Variants in HPGDS observed in about 807,000 individuals in gnomAD.
The protein encoded by HPGDS is GST class-sigma.
In HPGDS, 26 loss-of-function variants were observed where a neutral mutation model predicts 23.1. The observed-to-expected ratio is 1.13, with a 90% CI of 0.83 to 1.56. HPGDS has a LOEUF of 1.56. Ranked by LOEUF, HPGDS falls within the 40% of genes most tolerant of loss-of-function variation. The probability of loss-of-function intolerance (pLI) is 0.00; values close to 1 mark genes in which losing one functional copy is unlikely to be tolerated. For missense variants in HPGDS, 268 were observed against 236.4 expected (o/e 1.13, Z -0.88); for synonymous variants, 95 against 77.9 (o/e 1.22, Z -1.16).
At chr4:94,299,752 T>C in intron 5 of HPGDS, 108 bp from the exon 6 acceptor site, 2 of 1,036,156 alleles carry the variant, frequency 1.9e-6, no homozygotes, top group Non-Finnish European at 2.8e-6. Flanking sequence ...AACAATCTTG[T>C]TATTACAAAA....
intron 2 of HPGDS, among the ~76,000 whole-genome samples, chr4:94,325,062 C>T (rs1319841591): frequency 6.6e-6 from 1 of 152,216 alleles, no homozygotes; most frequent in African/African-American, 2.4e-5. Flanking sequence ...CCACTCCAGA[C>T]CCTGTTTGCC....
At chr4:94,340,296 T>C in intron 1 of HPGDS, among the ~76,000 whole-genome samples, 1 of 68,134 alleles carries the variant, frequency 1.5e-5, no homozygotes, top group Non-Finnish European at 3.1e-5. Context: ...TTTCTTTCTT[T>C]CTTTCTTTCT....
chr4:94,302,748 G>T (rs963508614), intron 4 of HPGDS, among the ~76,000 whole-genome samples: 2 of 151,924 alleles, frequency 1.3e-5, no homozygotes, highest in Non-Finnish European at 2.9e-5. Flanking sequence ...TTTCTCATTG[G>T]ACTACCATTG....
At chr4:94,334,138 A>G (rs984434116) in intron 2 of HPGDS, 2 of 164,502 alleles carry the variant, frequency 1.2e-5, no homozygotes, top group Non-Finnish European at 2.6e-5. Context: ...TTTGAAACTC[A>G]GTTCTACTTG....
intron 2 of HPGDS, among the ~76,000 whole-genome samples, chr4:94,326,653 T>C (rs1246402110): frequency 6.6e-6 from 1 of 152,196 alleles, no homozygotes; most frequent in African/African-American, 2.4e-5. Flanking sequence ...TGTATCTCAC[T>C]GAGTTTCTTT....
intron 2 of HPGDS, among the ~76,000 whole-genome samples, chr4:94,323,878 T>C (rs1756572517): frequency 6.6e-6 from 1 of 152,234 alleles, no homozygotes; most frequent in Admixed American, 6.5e-5. Flanking sequence ...CAATTTGGCA[T>C]GTTTTTGCAG....
Position 94,302,219 on chromosome 4 carries a change from G to T in HPGDS, c.362C>A (p.Thr121Lys), listed in dbSNP as rs150435932. The stretch of plus-strand genomic sequence containing the variant: ...TTGCATAAGATGAGGCGCATTATAC[G>T]TGAGCAGCTCATTGAACATCTGCTC... ...VKEQMFNELL[T>K]YNAPHLMQDL... Residue 121 changes from threonine (T) to lysine (K), a missense_variant, in exon 5 of 6, where the codon ACG becomes AAG. Coordinates refer to ENST00000295256, the MANE Select transcript of HPGDS (RefSeq NM_014485.3). The T allele has an allele frequency of 3.5e-5, 56 of 1,611,752 alleles. No homozygotes were observed. Among genetic ancestry groups the T allele is most frequent in the Non-Finnish European group, 4.2e-5 (50 of 1,178,536 alleles).
rs1444033537 is a variant in HPGDS, at chr4:94,333,840, C to T, written c.133+657G>A. On this transcript the variant is annotated intron_variant, in intron 2 of 5. Transcript: ENST00000295256. ...AATTAGTGGATAAAAGTAATGTTCA[C>T]CTATTATATATTCACTGTCTTAAAA... 2.6e-5 allele frequency among the ~76,000 whole-genome samples: 4 copies of T among 152,166 alleles called. No individual in the cohort carries two copies. In the East Asian group the frequency reaches 7.7e-4, roughly 29 times the overall value.
rs181421567 is a variant in HPGDS at position 94,341,258 on chromosome 4, A to G, written c.-10+1537T>C. ...ATTCAATCCCAGAGGCAATTTTAAC[A>G]TAATCATTGAAAAAATTACAAACTT... On this transcript the variant is annotated intron_variant, in intron 1 of 5. Coordinates refer to ENST00000295256, the MANE Select transcript of HPGDS (RefSeq NM_014485.3). Among the ~76,000 whole-genome samples, 23 of 152,322 alleles carry G rather than the reference A, an allele frequency of 1.5e-4. 1 individual carries two copies. Among genetic ancestry groups the G allele is most frequent in the South Asian group, 1.0e-3 (5 of 4,826 alleles).
At chr4:94,340,281 C>CTT (rs1381149709) in intron 1 of HPGDS, among the ~76,000 whole-genome samples, 1 of 42,710 alleles carries the variant, frequency 2.3e-5, no homozygotes, top group Non-Finnish European at 5.0e-5. Context: ...TTCTTTCTTT[C>CTT]TTTCTTTCTT....
At chr4:94,300,151 C>A (rs533048356) in intron 5 of HPGDS, among the ~76,000 whole-genome samples, 35 of 152,078 alleles carry the variant, frequency 2.3e-4, no homozygotes, top group Non-Finnish European at 4.1e-4. Context: ...ATCTTCAGGA[C>A]CTTTGTATTT....
chr4:94,310,061 T>G (rs1015239162), intron 3 of HPGDS, among the ~76,000 whole-genome samples: 5 of 152,158 alleles, frequency 3.3e-5, no homozygotes, highest in African/African-American at 1.2e-4. Context: ...TTGCAAAAAT[T>G]TTCTCCCATT....
At chr4:94,322,415 T>A (rs1474570249) in intron 2 of HPGDS, among the ~76,000 whole-genome samples, 1 of 152,250 alleles carries the variant, frequency 6.6e-6, no homozygotes, top group Non-Finnish European at 1.5e-5. Flanking sequence ...GTTGGTAGGC[T>A]ATTAATTATT....
At chr4:94,304,395 A>C (rs1417386842) in intron 4 of HPGDS, among the ~76,000 whole-genome samples, 1 of 152,150 alleles carries the variant, frequency 6.6e-6, no homozygotes, top group African/African-American at 2.4e-5. Flanking sequence ...CAATATCCAA[A>C]GGCATCTTTT....
At chr4:94,317,723 A>G in intron 3 of HPGDS, 150 bp downstream of exon 3, 1 of 502,096 alleles carries the variant, frequency 2.0e-6, no homozygotes, top group Non-Finnish European at 3.5e-6. Flanking sequence ...AGTTAAACTG[A>G]TACAGGTGGT....
chr4:94,316,214 GAGAA>G (rs1350341551), intron 3 of HPGDS, among the ~76,000 whole-genome samples: 1 of 152,140 alleles, frequency 6.6e-6, no homozygotes, highest in African/African-American at 2.4e-5. Context: ...GAACAGAAAA[GAGAA>G]AGAGACGAAA....
At chr4:94,324,130 C>G (rs569522836) in intron 2 of HPGDS, among the ~76,000 whole-genome samples, 1 of 152,234 alleles carries the variant, frequency 6.6e-6, no homozygotes, top group African/African-American at 2.4e-5. Context: ...GAGAGATCAG[C>G]TGTTAGTCTG....
At chr4:94,315,334 G>C (rs750287864) in intron 3 of HPGDS, among the ~76,000 whole-genome samples, 10 of 152,058 alleles carry the variant, frequency 6.6e-5, no homozygotes, top group Non-Finnish European at 1.5e-4. Flanking sequence ...TTTATTTCCA[G>C]TCTTTTGTTA....
intron 2 of HPGDS, among the ~76,000 whole-genome samples, chr4:94,333,528 G>A (rs1455278978): frequency 6.6e-6 from 1 of 152,076 alleles, no homozygotes; most frequent in African/African-American, 2.4e-5. Flanking sequence ...TACCCACTTG[G>A]GGTTTTGTGT....
Sources: allele counts gnomAD v4.1 joint callset (sites outside exome capture counted in the v4.1 genomes callset), GRCh38; gene constraint gnomAD v4.1.1; transcripts MANE v1.5; gene names NCBI Gene and HGNC (gene_info 2026-07-23, HGNC 2026-07-21).